VMP1: variants seen among roughly 807,000 people sequenced by gnomAD.
VMP1 encodes ectopic P-granules autophagy protein 3 homolog.
A neutral mutation model predicts 56.0 loss-of-function variants in VMP1; 11 were observed. The observed-to-expected ratio is 0.20, with a 90% CI of 0.12 to 0.32. The LOEUF (loss-of-function observed/expected upper bound fraction) is 0.32. Ranked by LOEUF, VMP1 falls within the 10% of genes least tolerant of loss-of-function variation. The probability of loss-of-function intolerance (pLI) is 1.00; values close to 1 mark genes in which losing one functional copy is unlikely to be tolerated. For missense variants in VMP1, 296 were observed against 490.3 expected (o/e 0.60, Z 3.74); for synonymous variants, 149 against 165.0 (o/e 0.90, Z 0.74).
chr17:59,751,236 G>A (rs567151482), intron 5 of VMP1, among the ~76,000 whole-genome samples: 18 of 152,106 alleles, frequency 1.2e-4, no homozygotes, highest in Non-Finnish European at 1.9e-4. Flanking sequence ...TCCATTGACA[G>A]ATTTATTTTA....
chr17:59,795,083 C>T (rs924120194), intron 7 of VMP1, among the ~76,000 whole-genome samples: 3 of 147,434 alleles, frequency 2.0e-5, no homozygotes, highest in African/African-American at 7.6e-5. Flanking sequence ...CCACAACCTT[C>T]TCCTGCCTCA....
chr17:59,819,324 G>A (rs1473836526), intron 10 of VMP1, among the ~76,000 whole-genome samples: 1 of 151,722 alleles, frequency 6.6e-6, no homozygotes, highest in African/African-American at 2.4e-5. Context: ...ATTCATTTTT[G>A]TAGAGACGGG....
At chr17:59,830,189 G>T (rs1475041900) in intron 10 of VMP1, among the ~76,000 whole-genome samples, 1 of 152,010 alleles carries the variant, frequency 6.6e-6, no homozygotes, top group Non-Finnish European at 1.5e-5. Context: ...AGGCCCAAGT[G>T]ATCCTCCCAC....
At chr17:59,743,675 CTA>C (rs2035313222) in intron 5 of VMP1, among the ~76,000 whole-genome samples, 2 of 150,816 alleles carry the variant, frequency 1.3e-5, no homozygotes, top group Middle Eastern at 3.5e-3. Flanking sequence ...AATATATACT[CTA>C]TTGATAGAAC....
At position 59,772,950 on chromosome 17, in the gene VMP1, C is replaced by CTTTTTTTTTTTTTTTTTTT. The variant is rs1179269248; in HGVS notation, c.583-792_583-774dup. On this transcript the variant is annotated intron_variant, in intron 6 of 11. Coordinates refer to ENST00000262291, the MANE Select transcript of VMP1 (RefSeq NM_030938.5). ...TATCTAACACATATACTGGTGAATT[C>CTTTTTTTTTTTTTTTTTTT]TTTTTTTTTTTTTTTTTTTTTTTTT... 6.3e-4 allele frequency among the ~76,000 whole-genome samples: 35 copies of CTTTTTTTTTTTTTTTTTTT among 55,718 alleles called. 8 individuals are homozygous for CTTTTTTTTTTTTTTTTTTT. The highest frequency in any genetic ancestry group is 1.8e-3 in the East Asian group (3 of 1,686). 36.6% of individuals were successfully genotyped at this position (55,718 alleles called of 152,430 possible).
intron 7 of VMP1, among the ~76,000 whole-genome samples, chr17:59,801,112 A>ATATATATGTG (rs1296238370): frequency 3.6e-5 from 4 of 110,326 alleles, no homozygotes; most frequent in African/African-American, 1.8e-4. Context: ...ATATATATAT[A>ATATATATGTG]TGTGTGTGTG....
intron 10 of VMP1, among the ~76,000 whole-genome samples, chr17:59,830,897 C>T (rs372830897): frequency 6.6e-6 from 1 of 152,146 alleles, no homozygotes; most frequent in Non-Finnish European, 1.5e-5. Context: ...GATTTTAGAT[C>T]ACTACAGCCT....
chr17:59,709,882 TCTTA>T (rs1286694935), intron 1 of VMP1, among the ~76,000 whole-genome samples: 1 of 152,294 alleles, frequency 6.6e-6, no homozygotes, highest in East Asian at 1.9e-4. Context: ...AGTAGTCCTA[TCTTA>T]CTTACATTAA....
At chr17:59,724,211 C>CA (rs780799408) in intron 1 of VMP1, among the ~76,000 whole-genome samples, 7,304 of 70,952 alleles carry the variant, frequency 0.1, 256 homozygotes, top group African/African-American at 0.17. Context: ...GACCCTGTCT[C>CA]AAAAAAAAAA....
intron 1 of VMP1, among the ~76,000 whole-genome samples, chr17:59,711,316 T>C (rs1265864935): frequency 6.6e-6 from 1 of 152,158 alleles, no homozygotes; most frequent in Non-Finnish European, 1.5e-5. Context: ...ACAAACTTTT[T>C]AGTCTCTTTA....
chr17:59,785,689 C>CA (rs375607560), intron 7 of VMP1, among the ~76,000 whole-genome samples: 5,030 of 58,664 alleles, frequency 0.086, 130 homozygotes, highest in Non-Finnish European at 0.096. Flanking sequence ...GATTCCATCT[C>CA]AAAAAAAAAA....
rs58638800 is a variant in VMP1 at position 59,778,540 on chromosome 17, C to CA, written c.714+4671dup. On this transcript the variant is annotated intron_variant, in intron 7 of 11. Transcript: ENST00000262291. The stretch of plus-strand genomic sequence containing the variant: ...CCTGGGTGAGAGCGAGACTCTGTCT[C>CA]AAAAAAAAAAAAAAAAGAATAAGGC... Among the ~76,000 whole-genome samples the CA allele has an allele frequency of 1.5e-3, 184 of 119,516 alleles. 1 individual carries two copies. The highest frequency in any genetic ancestry group is 3.4e-3 in the Admixed American group (39 of 11,464). 78.4% of individuals were successfully genotyped at this position (119,516 alleles called of 152,430 possible).
At chr17:59,817,801 A>G in intron 10 of VMP1, 28 bp downstream of exon 10, 1 of 1,546,472 alleles carries the variant, frequency 6.5e-7, no homozygotes, top group Non-Finnish European at 8.9e-7. Context: ...GACTAATATT[A>G]ATATAATTAC....
intron 10 of VMP1, among the ~76,000 whole-genome samples, chr17:59,825,176 T>G (rs1410611654): frequency 2.1e-5 from 3 of 142,082 alleles, no homozygotes; most frequent in Admixed American, 7.6e-5. Flanking sequence ...AACCTCTGCC[T>G]CCTGTGTTCA....
intron 7 of VMP1, among the ~76,000 whole-genome samples, chr17:59,787,145 CACTT>C (rs1168148959): frequency 2.6e-5 from 4 of 152,138 alleles, no homozygotes; most frequent in Non-Finnish European, 5.9e-5. Context: ...TACCAAAGGT[CACTT>C]ACTTGCACTT....
At chr17:59,721,748 AC>A (rs2034406714) in intron 1 of VMP1, among the ~76,000 whole-genome samples, 1 of 149,132 alleles carries the variant, frequency 6.7e-6, no homozygotes, top group Non-Finnish European at 1.5e-5. Context: ...ACAAAACAAA[AC>A]AATTCTGCAA....
intron 1 of VMP1, among the ~76,000 whole-genome samples, chr17:59,722,167 T>TG (rs964134231): frequency 9.9e-5 from 15 of 152,228 alleles, no homozygotes; most frequent in African/African-American, 3.1e-4. Flanking sequence ...CATATGAATT[T>TG]GGGGGGGCAC....
chr17:59,786,644 TC>T (rs963184287), intron 7 of VMP1, among the ~76,000 whole-genome samples: 21 of 152,284 alleles, frequency 1.4e-4, no homozygotes, highest in Admixed American at 1.2e-3. Context: ...CCCCTCCCCT[TC>T]ATTTCCAGTA....
chr17:59,817,784 C>T lies in VMP1; in HGVS notation c.974+11C>T, dbSNP rs2038297007. 6.3e-7 allele frequency: 1 copy of T among 1,593,832 alleles called. No individual in the cohort carries two copies. Among genetic ancestry groups the T allele is most frequent in the Non-Finnish European group, 8.6e-7 (1 of 1,166,412 alleles). ...GGTGGCTTTCATTGGGTAAGTAATT[C>T]TTCAAGGACTAATATTAATATAATT... On this transcript the variant is annotated intron_variant, in intron 10 of 11. Coordinates refer to ENST00000262291, the MANE Select transcript of VMP1 (RefSeq NM_030938.5).
Sources: gnomAD v4.1 joint callset for allele counts (sites outside exome capture counted in the v4.1 genomes callset) on GRCh38, gnomAD v4.1.1 for gene constraint, MANE v1.5 for transcripts, NCBI Gene and HGNC (gene_info 2026-07-23, HGNC 2026-07-21) for gene names.